ZNF469: variants seen among roughly 807,000 people sequenced by gnomAD.
The protein encoded by ZNF469 is zinc finger protein 469.
In ZNF469, 1 loss-of-function variant was observed where a neutral mutation model predicts 1.0. The ratio of observed to expected loss-of-function variants is 1.00; its 90% CI spans 0.35 to 4.73. The LOEUF is 4.73. Among genes scored for constraint, ZNF469 ranks in the 30% most tolerant of loss-of-function variants. The pLI, the probability that ZNF469 is intolerant of heterozygous loss-of-function variation, is 0.16. For missense variants in ZNF469, 6,100 were observed against 5,356.3 expected, an observed-to-expected ratio of 1.14 and a Z score of -4.33; for synonymous variants, 2,703 against 2,363.4, an observed-to-expected ratio of 1.14 and a Z score of -4.17.
At chr16:88,220,888 C>G in the ZNF469 span, among the ~76,000 whole-genome samples, 2 of 152,244 alleles carry the variant, frequency 1.3e-5, no homozygotes, top group Non-Finnish European at 2.9e-5. Context: ...TTGGCTCCCA[C>G]TTGCCACTTG....
the ZNF469 span, among the ~76,000 whole-genome samples, chr16:88,229,575 G>GGATGTCA: frequency 4.4e-5 from 5 of 112,440 alleles, no homozygotes; most frequent in East Asian, 2.3e-4. Context: ...TCACGCTTGT[G>GGATGTCA]CGCTGATGTC....
the ZNF469 span, among the ~76,000 whole-genome samples, chr16:88,361,881 G>C: frequency 6.6e-6 from 1 of 152,328 alleles, no homozygotes; most frequent in East Asian, 1.9e-4. Flanking sequence ...GGGGTGTACA[G>C]ATACCCAGTT....
At position 88,431,228 on chromosome 16, in the gene ZNF469, C is replaced by T. The variant is rs761304483; in HGVS notation, c.3758C>T (p.Ala1253Val). The change falls in exon 3 of 3, where the codon GCG becomes GTG. Residue 1253 changes from alanine (A) to valine (V), a missense_variant. By Grantham distance (64) the Ala-to-Val change is moderately conservative. Transcript: ENST00000565624. Reference protein sequence around the residue: ...EALRSPPAACAGEMGASPGLL... With the variant: ...EALRSPPAACVGEMGASPGLL... ...TTGCGTTCTCCTCCAGCCGCCTGTG[C>T]GGGAGAAATGGGAGCAAGCCCCGGT... 1.3e-6 allele frequency: 2 copies of T among 1,550,374 alleles called. No individual in the cohort carries two copies. Among genetic ancestry groups the T allele is most frequent in the South Asian group, 1.2e-5 (1 of 84,064 alleles).
chr16:88,430,101 A>T lies in ZNF469; in HGVS notation c.2631A>T (p.Arg877Ser). 6.5e-7 allele frequency: 1 copy of T among 1,542,382 alleles called. No individual in the cohort carries two copies. The change falls in exon 3 of 3, where the codon AGA (arginine) becomes AGT (serine). Residue 877 changes from arginine to serine, a missense_variant. Coordinates refer to ENST00000565624, the MANE Select transcript of ZNF469 (RefSeq NM_001367624.2). Reference protein sequence around the residue: ...VFADEEPSGPRGPSSGHPLKS... With the variant: ...VFADEEPSGPSGPSSGHPLKS... ...CGGACGAGGAGCCTTCCGGCCCCAG[A>T]GGTCCCAGCTCCGGACACCCCCTTA... is the stretch of plus-strand genomic sequence containing the variant.
At chr16:88,407,020 G>A (rs1905043943) in intron 1 of ZNF469, among the ~76,000 whole-genome samples, 1 of 152,186 alleles carries the variant, frequency 6.6e-6, no homozygotes, top group Non-Finnish European at 1.5e-5. Context: ...CCAGGAGATC[G>A]CGCCTGTGAT....
chr16:88,302,130 C>T, the ZNF469 span, among the ~76,000 whole-genome samples: 1 of 152,200 alleles, frequency 6.6e-6, no homozygotes. Context: ...GACAGTGGCC[C>T]TGTTCTTCCT....
the ZNF469 span, among the ~76,000 whole-genome samples, chr16:88,316,392 C>A: frequency 4.6e-5 from 7 of 152,150 alleles, no homozygotes; most frequent in African/African-American, 7.2e-5. Flanking sequence ...CACGGCTCTT[C>A]CCACTTCTCT....
At chr16:88,179,319 C>T in the ZNF469 span, among the ~76,000 whole-genome samples, 2 of 152,208 alleles carry the variant, frequency 1.3e-5, no homozygotes, top group Admixed American at 6.5e-5. Context: ...TTAGTTCCTG[C>T]GTGAGCCAGG....
At chr16:88,264,804 CG>C in the ZNF469 span, among the ~76,000 whole-genome samples, 1 of 138,570 alleles carries the variant, frequency 7.2e-6, no homozygotes, top group Non-Finnish European at 1.6e-5. Context: ...CCTGGCCACA[CG>C]GCCCCCCGCC....
At chr16:88,134,297 T>A in the ZNF469 span, among the ~76,000 whole-genome samples, 3 of 152,244 alleles carry the variant, frequency 2.0e-5, no homozygotes, top group Admixed American at 2.0e-4. Flanking sequence ...TTTTCATGGC[T>A]GCACGGTGCA....
At chr16:88,374,144 C>CTA in the ZNF469 span, among the ~76,000 whole-genome samples, 1 of 152,172 alleles carries the variant, frequency 6.6e-6, no homozygotes, top group East Asian at 1.9e-4. Flanking sequence ...TAGGCACTGT[C>CTA]TGAGGTACAG....
At chr16:88,193,066 ATGGTGG>A in the ZNF469 span, among the ~76,000 whole-genome samples, 3 of 46,234 alleles carry the variant, frequency 6.5e-5, no homozygotes, top group African/African-American at 1.8e-4. Flanking sequence ...GATGGTGGTG[ATGGTGG>A]TGGTGGTGAT....
chr16:88,268,269 T>C, the ZNF469 span, among the ~76,000 whole-genome samples: 1 of 152,190 alleles, frequency 6.6e-6, no homozygotes, highest in Non-Finnish European at 1.5e-5. Flanking sequence ...GTCTTAAGTC[T>C]CTGTGGTGCA....
At chr16:88,301,497 C>G in the ZNF469 span, among the ~76,000 whole-genome samples, 1 of 152,224 alleles carries the variant, frequency 6.6e-6, no homozygotes, top group Non-Finnish European at 1.5e-5. Flanking sequence ...AGAACCCTCT[C>G]TTGTACTCAG....
the ZNF469 span, among the ~76,000 whole-genome samples, chr16:88,283,879 G>C: frequency 7.5e-6 from 1 of 133,538 alleles, no homozygotes; most frequent in Non-Finnish European, 1.6e-5. Flanking sequence ...CAGTGTGTCC[G>C]GAGTGCCTGA....
At chr16:88,283,161 G>A in the ZNF469 span, among the ~76,000 whole-genome samples, 2 of 152,148 alleles carry the variant, frequency 1.3e-5, no homozygotes, top group Admixed American at 1.3e-4. Context: ...CGTCTAGGGG[G>A]TGGGGAGGGG....
At position 88,428,893 on chromosome 16, in the gene ZNF469, T is replaced by TGC; in HGVS notation, c.1424_1425dup (p.Leu476AlafsTer27). ...CCAGCCCAGCCCAGGCCAGCGGCTC[T>TGC]GCCTCCCCCAGAGTGCCCCCCTGCC... On this transcript the variant is annotated frameshift_variant, in exon 3 of 3. Coordinates refer to ENST00000565624, the MANE Select transcript of ZNF469 (RefSeq NM_001367624.2). LOFTEE classifies it low-confidence loss of function (END_TRUNC). The TGC allele has an allele frequency of 6.5e-7, 1 of 1,547,622 alleles. No homozygotes were observed.
At chr16:88,231,357 C>A in the ZNF469 span, among the ~76,000 whole-genome samples, 1 of 152,210 alleles carries the variant, frequency 6.6e-6, no homozygotes, top group Non-Finnish European at 1.5e-5. This position sits in a 1 kb window ranked among gnomAD's most constrained non-coding sequence, Gnocchi z 4.5. Context: ...AGCCCCATCG[C>A]CCTAAGCCTG....
At chr16:88,193,165 G>A in the ZNF469 span, among the ~76,000 whole-genome samples, 3 of 14,144 alleles carry the variant, frequency 2.1e-4, no homozygotes, top group East Asian at 4.8e-3. Context: ...GGTGGTGATG[G>A]TGGTGGGGAT....
Sources: allele counts gnomAD v4.1 joint callset (sites outside exome capture counted in the v4.1 genomes callset), GRCh38; gene constraint gnomAD v4.1.1; non-coding constraint Gnocchi (gnomAD v3.1); transcripts MANE v1.5; gene names NCBI Gene and HGNC (gene_info 2026-07-23, HGNC 2026-07-21).